MAGI1: variants seen among roughly 807,000 people sequenced by gnomAD.
MAGI1 encodes membrane associated guanylate kinase, WW and PDZ domain containing 1, also known as membrane-associated guanylate kinase, WW and PDZ domain-containing protein 1.
MAGI1 carries 58 observed loss-of-function variants against 139.9 expected under a neutral mutation model. That is an observed-to-expected ratio of 0.41 (90% CI 0.34 to 0.52). MAGI1 has a LOEUF of 0.52. Among genes scored for constraint, MAGI1 ranks in the 20% least tolerant of loss-of-function variants. MAGI1 has a pLI of 0.12. For missense variants in MAGI1, 1,874 were observed against 1,901.6 expected, an observed-to-expected ratio of 0.99 and a Z score of 0.27; for synonymous variants, 812 against 737.9, an observed-to-expected ratio of 1.10 and a Z score of -1.63.
At chr3:65,363,360 A>T in intron 21 of MAGI1, 105 bp downstream of exon 21, 1 of 1,323,010 alleles carries the variant, frequency 7.6e-7, no homozygotes, top group Non-Finnish European at 1.0e-6. Context: ...CATGAAAGCT[A>T]TAGAAAATGT....
intron 1 of MAGI1, among the ~76,000 whole-genome samples, chr3:65,892,177 G>A (rs2060799734): frequency 6.6e-6 from 1 of 151,730 alleles, no homozygotes; most frequent in Non-Finnish European, 1.5e-5. Flanking sequence ...AGCCTGATGG[G>A]CAGCCAATGG....
chr3:65,804,642 C>T (rs534206846), intron 1 of MAGI1, among the ~76,000 whole-genome samples: 1 of 152,090 alleles, frequency 6.6e-6, no homozygotes, highest in East Asian at 1.9e-4. Flanking sequence ...GTAAACGGAC[C>T]GTAGCCTACA....
intron 1 of MAGI1, among the ~76,000 whole-genome samples, chr3:65,901,548 A>G (rs1358519874): frequency 6.6e-6 from 1 of 152,256 alleles, no homozygotes; most frequent in Non-Finnish European, 1.5e-5. Context: ...AATTAAAAAC[A>G]TTCTCTCACT....
At chr3:65,609,274 CTCTT>C (rs1322645442) in intron 2 of MAGI1, among the ~76,000 whole-genome samples, 8 of 149,218 alleles carry the variant, frequency 5.4e-5, no homozygotes, top group African/African-American at 1.8e-4. Flanking sequence ...CTCTCTCTCT[CTCTT>C]TTTTTTGTTT....
intron 1 of MAGI1, among the ~76,000 whole-genome samples, chr3:65,875,924 A>C (rs551124749): frequency 6.6e-6 from 1 of 152,252 alleles, no homozygotes; most frequent in African/African-American, 2.4e-5. Context: ...GAATCAACAT[A>C]GAAACCAACC....
intron 1 of MAGI1, among the ~76,000 whole-genome samples, chr3:65,880,351 T>C (rs1039823107): frequency 1.3e-5 from 2 of 152,162 alleles, no homozygotes; most frequent in African/African-American, 2.4e-5. Context: ...GCTGTCATCA[T>C]CACAGTAGTA....
chr3:65,884,122 G>A (rs2060441706), intron 1 of MAGI1, among the ~76,000 whole-genome samples: 1 of 152,166 alleles, frequency 6.6e-6, no homozygotes, highest in Admixed American at 6.5e-5. Flanking sequence ...ACCAACCACA[G>A]GTTTTATTAA....
intron 2 of MAGI1, among the ~76,000 whole-genome samples, chr3:65,535,691 T>C (rs1576231208): frequency 6.6e-6 from 1 of 152,378 alleles, no homozygotes; most frequent in Admixed American, 6.5e-5. Flanking sequence ...AAAGCTGTTT[T>C]ATGCATGTAA....
Position 66,038,511 on chromosome 3 carries a change from G to A in MAGI1, c.-203C>T. 4.2e-6 allele frequency: 3 copies of A among 710,392 alleles called. No individual in the cohort carries two copies. The highest frequency in any genetic ancestry group is 1.8e-5 in the African/African-American group (1 of 54,610). The allele number at this position is 710,392 out of a possible 1,614,324, so 44.0% of individuals were successfully genotyped here. Reference sequence around the variant, plus strand: ...AAACAAACTTTCTGGGCTTCCCCGCGAGCCCCGCACAGGCGCCCGCGAGCT... The same window carrying A: ...AAACAAACTTTCTGGGCTTCCCCGCAAGCCCCGCACAGGCGCCCGCGAGCT... On this transcript the variant is annotated 5_prime_UTR_variant, in exon 1 of 23. Transcript: ENST00000402939.
intron 1 of MAGI1, chr3:65,873,732 G>C (rs796451793): frequency 6.6e-6 from 1 of 152,074 alleles, no homozygotes; most frequent in Non-Finnish European, 1.5e-5. Context: ...AAAAAGAATC[G>C]CCTTTTCAAC....
intron 22 of MAGI1, among the ~76,000 whole-genome samples, chr3:65,357,890 C>T (rs1009599170): frequency 3.3e-5 from 5 of 152,098 alleles, no homozygotes; most frequent in African/African-American, 4.8e-5. Flanking sequence ...TATTCAACTA[C>T]GTTCTCTACT....
intron 1 of MAGI1, among the ~76,000 whole-genome samples, chr3:65,745,609 A>T (rs965492684): frequency 6.6e-6 from 1 of 152,160 alleles, no homozygotes; most frequent in Non-Finnish European, 1.5e-5. Context: ...TAAACACATA[A>T]CACACATTAA....
chr3:65,475,726 C>T (rs1950855911), intron 4 of MAGI1, among the ~76,000 whole-genome samples: 1 of 152,082 alleles, frequency 6.6e-6, no homozygotes, highest in South Asian at 2.1e-4. Context: ...TGGTGAGCAT[C>T]TGGGATGACT....
At chr3:65,987,894 G>T (rs187503394) in intron 1 of MAGI1, among the ~76,000 whole-genome samples, 1 of 152,206 alleles carries the variant, frequency 6.6e-6, no homozygotes, top group African/African-American at 2.4e-5. Flanking sequence ...ATAAAAATTA[G>T]TGTGGTAAAG....
chr3:65,902,252 G>A (rs1575942018), intron 1 of MAGI1, among the ~76,000 whole-genome samples: 1 of 152,184 alleles, frequency 6.6e-6, no homozygotes, highest in African/African-American at 2.4e-5. Context: ...TCTGCCTAGA[G>A]AATCAGGTTC....
intron 2 of MAGI1, among the ~76,000 whole-genome samples, chr3:65,608,854 A>G (rs1245494021): frequency 6.6e-6 from 1 of 152,216 alleles, no homozygotes; most frequent in Non-Finnish European, 1.5e-5. Context: ...AAATCAACAG[A>G]AGAATGGGTA....
Position 65,742,287 on chromosome 3 carries a change from GA to G in MAGI1, c.314-120200del, listed in dbSNP as rs1404999519. Among the ~76,000 whole-genome samples, 5 of 152,112 alleles carry G rather than the reference GA, an allele frequency of 3.3e-5. No individual in the cohort carries two copies. In the South Asian group the frequency reaches 1.0e-3, roughly 32 times the overall value. On this transcript the variant is annotated intron_variant, in intron 1 of 22. Coordinates refer to ENST00000402939, the MANE Select transcript of MAGI1 (RefSeq NM_001033057.2). Reference sequence around the variant, plus strand: ...TACATCATTATTTCATTAATTTTAAGAAAAAAATTCTTAGAACTCCTGCGCC... The same window carrying G: ...TACATCATTATTTCATTAATTTTAAGAAAAAATTCTTAGAACTCCTGCGCC...
chr3:65,402,698 C>T (rs946878418), intron 12 of MAGI1, among the ~76,000 whole-genome samples: 1 of 152,014 alleles, frequency 6.6e-6, no homozygotes, highest in Admixed American at 6.5e-5. Flanking sequence ...CTGAGTTCAG[C>T]ACAAGTAATA....
chr3:65,790,675 GGGTA>G (rs2039700120), intron 1 of MAGI1, among the ~76,000 whole-genome samples: 1 of 152,192 alleles, frequency 6.6e-6, no homozygotes, highest in Admixed American at 6.5e-5. Flanking sequence ...AGTGGGAAAG[GGGTA>G]GCCCAGACCC....
Sources: gnomAD v4.1 joint callset for allele counts (sites outside exome capture counted in the v4.1 genomes callset) on GRCh38, gnomAD v4.1.1 for gene constraint, MANE v1.5 for transcripts, NCBI Gene and HGNC (gene_info 2026-07-23, HGNC 2026-07-21) for gene names.